The following CSMD3 variants were observed in gnomAD, a reference collection of about 807,000 sequenced individuals.
CSMD3 encodes CUB and Sushi multiple domains 3.
CSMD3 carries 177 observed loss-of-function variants against 435.2 expected under a neutral mutation model. That is an observed-to-expected ratio of 0.41 (90% confidence interval 0.36 to 0.46). The LOEUF is 0.46. Among genes scored for constraint, CSMD3 ranks in the 20% least tolerant of loss-of-function variants. The pLI, the probability that CSMD3 is intolerant of heterozygous loss-of-function variation, is 0.34. For synonymous variants in CSMD3, 1,656 were observed against 1,520.5 expected, an observed-to-expected ratio of 1.09 and a Z score of -2.07; for missense variants, 4,265 against 4,504.6, an observed-to-expected ratio of 0.95 and a Z score of 1.52.
intron 22 of CSMD3, among the ~76,000 whole-genome samples, chr8:112,624,050 T>C (rs1226748577): frequency 1.3e-5 from 2 of 152,082 alleles, no homozygotes; most frequent in Non-Finnish European, 2.9e-5. Flanking sequence ...TTAAAAAGTG[T>C]AAGTAATAGA....
intron 1 of CSMD3, among the ~76,000 whole-genome samples, chr8:113,420,151 T>C (rs1326826915): frequency 6.6e-6 from 1 of 152,146 alleles, no homozygotes; most frequent in Non-Finnish European, 1.5e-5. Flanking sequence ...TAAACATTTT[T>C]TAAAAACATT....
intron 10 of CSMD3, among the ~76,000 whole-genome samples, chr8:112,873,790 G>A (rs1187477830): frequency 2.0e-5 from 3 of 151,884 alleles, no homozygotes; most frequent in Non-Finnish European, 4.4e-5. Context: ...CTGTCTATTT[G>A]ATTCTTCTCT....
At chr8:112,897,943 T>C (rs1316171724) in intron 10 of CSMD3, among the ~76,000 whole-genome samples, 1 of 151,252 alleles carries the variant, frequency 6.6e-6, no homozygotes, top group Non-Finnish European at 1.5e-5. Flanking sequence ...GGTCTCCTTT[T>C]TAATGATTTA....
intron 45 of CSMD3, among the ~76,000 whole-genome samples, chr8:112,324,855 G>A (rs117374915): frequency 1.1e-3 from 166 of 152,138 alleles, no homozygotes; most frequent in Middle Eastern, 3.4e-3. Context: ...AACAAGAGTG[G>A]ATAGCAAGAG....
intron 1 of CSMD3, among the ~76,000 whole-genome samples, chr8:113,359,871 T>G (rs995181542): frequency 6.6e-6 from 1 of 152,156 alleles, no homozygotes; most frequent in Non-Finnish European, 1.5e-5. Context: ...TAGAAAGTAT[T>G]CAGACTTAAA....
chr8:112,799,309 G>T (rs73702221), intron 13 of CSMD3, among the ~76,000 whole-genome samples: 1,644 of 151,798 alleles, frequency 0.011, 32 homozygotes, highest in African/African-American at 0.038. Context: ...GTTTGTAAGA[G>T]AAAATTCTAA....
chr8:112,266,430 G>A (rs962317519), intron 59 of CSMD3, among the ~76,000 whole-genome samples: 5 of 152,186 alleles, frequency 3.3e-5, no homozygotes, highest in Non-Finnish European at 5.9e-5. Flanking sequence ...AAGGCAACAA[G>A]GCAGACTGCA....
chr8:113,166,257 C>A (rs1019227498), intron 4 of CSMD3, among the ~76,000 whole-genome samples: 1 of 152,064 alleles, frequency 6.6e-6, no homozygotes, highest in African/African-American at 2.4e-5. Context: ...GTAATCCCAG[C>A]ACTTTGGGAG....
At chr8:113,412,594 G>C (rs76648431) in intron 1 of CSMD3, among the ~76,000 whole-genome samples, 1 of 152,084 alleles carries the variant, frequency 6.6e-6, no homozygotes, top group African/African-American at 2.4e-5. Flanking sequence ...AAATATATGT[G>C]CTGGGGAGGG....
At chr8:113,178,495 G>T (rs951370200) in intron 3 of CSMD3, among the ~76,000 whole-genome samples, 11 of 151,858 alleles carry the variant, frequency 7.2e-5, no homozygotes, top group African/African-American at 2.4e-4. Context: ...GCTACCAAAA[G>T]TAATAAATGA....
intron 4 of CSMD3, among the ~76,000 whole-genome samples, chr8:113,107,234 G>C (rs1374649693): frequency 6.6e-6 from 1 of 152,178 alleles, no homozygotes; most frequent in African/African-American, 2.4e-5. Context: ...TGATCCATGG[G>C]GTCCAGGGTG....
chr8:112,693,742 A>G (rs1380848857), intron 13 of CSMD3, among the ~76,000 whole-genome samples: 3 of 151,798 alleles, frequency 2.0e-5, no homozygotes, highest in Non-Finnish European at 4.4e-5. Context: ...GTTGTTTATT[A>G]TATGTCCTCA....
intron 59 of CSMD3, among the ~76,000 whole-genome samples, chr8:112,270,763 T>C (rs1264497334): frequency 6.6e-6 from 1 of 152,140 alleles, no homozygotes; most frequent in African/African-American, 2.4e-5. Flanking sequence ...AAAAATTGGA[T>C]TATTCCTCTG....
At chr8:112,385,881 T>C (rs1586948262) in intron 36 of CSMD3, among the ~76,000 whole-genome samples, 1 of 151,884 alleles carries the variant, frequency 6.6e-6, no homozygotes, top group East Asian at 1.9e-4. Context: ...CTAGTGTATA[T>C]AGCTGAATAA....
At chr8:112,363,340 A>G (rs1827438380) in intron 38 of CSMD3, among the ~76,000 whole-genome samples, 1 of 152,030 alleles carries the variant, frequency 6.6e-6, no homozygotes, top group Non-Finnish European at 1.5e-5. Flanking sequence ...TTTTAGATAA[A>G]AAGTATACTT....
intron 5 of CSMD3, among the ~76,000 whole-genome samples, chr8:113,076,704 C>T (rs1457576677): frequency 6.6e-6 from 1 of 151,826 alleles, no homozygotes; most frequent in Non-Finnish European, 1.5e-5. Context: ...TAAAGCATAT[C>T]CTCAGGTACA....
intron 17 of CSMD3, among the ~76,000 whole-genome samples, chr8:112,663,658 T>C (rs572967933): frequency 2.0e-5 from 3 of 151,648 alleles, no homozygotes; most frequent in Non-Finnish European, 4.4e-5. Flanking sequence ...GAAGAACAGT[T>C]TGGGATAAGA....
At chr8:112,624,325 G>T (rs4876288) in intron 22 of CSMD3, among the ~76,000 whole-genome samples, 36,489 of 151,864 alleles carry the variant, frequency 0.24, 4,722 homozygotes, top group African/African-American at 0.33. Context: ...GCAAATTCTA[G>T]AACTTTATTT....
intron 18 of CSMD3, among the ~76,000 whole-genome samples, chr8:112,653,940 G>T (rs562280431): frequency 6.6e-6 from 1 of 152,088 alleles, no homozygotes; most frequent in African/African-American, 2.4e-5. Context: ...TTACAGGCGT[G>T]AGCCACCGCA....
Sources: allele counts gnomAD v4.1 joint callset (sites outside exome capture counted in the v4.1 genomes callset), GRCh38; gene constraint gnomAD v4.1.1; transcripts MANE v1.5; gene names NCBI Gene and HGNC (gene_info 2026-07-23, HGNC 2026-07-21).